Variants in ZBTB7C observed in about 807,000 individuals in gnomAD.
ZBTB7C encodes the protein zinc finger and BTB domain-containing protein 7C.
A neutral mutation model predicts 25.7 loss-of-function variants in ZBTB7C; 8 were observed. The observed-to-expected ratio is 0.31, with a 90% CI of 0.18 to 0.56. The LOEUF (loss-of-function observed/expected upper bound fraction) is 0.56. ZBTB7C is among the 20% of genes least tolerant of loss of function. The pLI is 0.91. For missense variants in ZBTB7C, 824 were observed against 855.2 expected, an observed-to-expected ratio of 0.96 and a Z score of 0.46; for synonymous variants, 394 against 369.0, an observed-to-expected ratio of 1.07 and a Z score of -0.78.
intron 3 of ZBTB7C, among the ~76,000 whole-genome samples, chr18:48,175,602 A>G (rs1264545891): frequency 1.3e-5 from 2 of 152,204 alleles, no homozygotes; most frequent in African/African-American, 2.4e-5. Context: ...AGGTGCAAAT[A>G]TACCCAGCAA....
chr18:48,157,327 G>T (rs1288132011), intron 3 of ZBTB7C, among the ~76,000 whole-genome samples: 1 of 152,140 alleles, frequency 6.6e-6, no homozygotes, highest in Non-Finnish European at 1.5e-5. Context: ...GGGGAAAGGG[G>T]TCCAGAAATC....
At chr18:48,334,114 T>C (rs990221721) in intron 2 of ZBTB7C, among the ~76,000 whole-genome samples, 2 of 152,082 alleles carry the variant, frequency 1.3e-5, no homozygotes, top group South Asian at 2.1e-4. Flanking sequence ...CTTAGATCCA[T>C]GGCATGCTCC....
At chr18:48,221,334 TGCTGTCCTAGTCTCCTCTAC>T (rs1403714580) in intron 2 of ZBTB7C, among the ~76,000 whole-genome samples, 1 of 150,176 alleles carries the variant, frequency 6.7e-6, no homozygotes, top group Middle Eastern at 3.2e-3. Context: ...GTCTCCTCTA[TGCTGTCCTAGTCTCCTCTAC>T]GCTGTCCCTA....
At chr18:48,344,034 G>C (rs940968057) in intron 1 of ZBTB7C, among the ~76,000 whole-genome samples, 2 of 152,090 alleles carry the variant, frequency 1.3e-5, no homozygotes, top group East Asian at 1.9e-4. Context: ...ACCTAGGCTG[G>C]AGTGCAGTGG....
intron 1 of ZBTB7C, among the ~76,000 whole-genome samples, chr18:48,393,029 T>C (rs1374902320): frequency 6.6e-6 from 1 of 152,248 alleles, no homozygotes; most frequent in Non-Finnish European, 1.5e-5. Flanking sequence ...GCTTCAGCAC[T>C]GTCTATTAGT....
At chr18:48,192,917 A>G (rs1376583182) in intron 2 of ZBTB7C, among the ~76,000 whole-genome samples, 1 of 152,186 alleles carries the variant, frequency 6.6e-6, no homozygotes, top group Non-Finnish European at 1.5e-5. Context: ...CTTTCTGCTT[A>G]ATTTCTCTAT....
intron 3 of ZBTB7C, among the ~76,000 whole-genome samples, chr18:48,146,514 T>C (rs2040501816): frequency 6.6e-6 from 1 of 152,156 alleles, no homozygotes; most frequent in Admixed American, 6.5e-5. Context: ...AACACATACC[T>C]ATAAAAAATG....
intron 2 of ZBTB7C, among the ~76,000 whole-genome samples, chr18:48,249,071 T>C (rs913085013): frequency 5.3e-5 from 8 of 152,222 alleles, no homozygotes; most frequent in Non-Finnish European, 1.2e-4. Flanking sequence ...TTAAAGCAAG[T>C]TGAAATACTG....
chr18:48,390,487 C>A (rs1207386158), intron 1 of ZBTB7C, among the ~76,000 whole-genome samples: 1 of 152,134 alleles, frequency 6.6e-6, no homozygotes, highest in Non-Finnish European at 1.5e-5. Flanking sequence ...AAATAAAATG[C>A]AAAGCAAAAG....
chr18:48,251,914 C>T (rs191249451), intron 2 of ZBTB7C, among the ~76,000 whole-genome samples: 141 of 152,242 alleles, frequency 9.3e-4, no homozygotes, highest in African/African-American at 3.2e-3. Context: ...CTTTCTTTTG[C>T]CTATTAAACC....
intron 1 of ZBTB7C, among the ~76,000 whole-genome samples, chr18:48,379,438 C>A (rs1478224496): frequency 6.6e-6 from 1 of 152,124 alleles, no homozygotes; most frequent in East Asian, 1.9e-4. Context: ...CAGGAAGAAC[C>A]AATATCTTAC....
At chr18:48,192,674 C>G (rs894549975) in intron 2 of ZBTB7C, among the ~76,000 whole-genome samples, 2 of 152,214 alleles carry the variant, frequency 1.3e-5, no homozygotes, top group African/African-American at 2.4e-5. Context: ...GTTGGCCAGG[C>G]TGGTCATGAA....
chr18:48,128,668 C>T (rs1312788029), intron 3 of ZBTB7C, among the ~76,000 whole-genome samples: 1 of 151,848 alleles, frequency 6.6e-6, no homozygotes. Flanking sequence ...TACGCAAAGG[C>T]ATACAGAGTG....
In ZBTB7C at chr18:48,278,971, G is replaced by T. The variant is rs186317963; in HGVS notation, c.-79+59203C>A. Among the ~76,000 whole-genome samples the T allele has an allele frequency of 2.2e-4, 33 of 151,336 alleles. No individual in the cohort carries two copies. In the Middle Eastern group the frequency reaches 0.01, roughly 47 times the overall value. The stretch of plus-strand genomic sequence containing the variant: ...TTTTTTTTTTTTAATTCATCAATTG[G>T]AGAATCTTGCTGGAGACAGTGAAAA... On this transcript the variant is annotated intron_variant, in intron 2 of 4. Transcript: ENST00000590800.
chr18:48,070,407 G>A (rs778652463), intron 3 of ZBTB7C, among the ~76,000 whole-genome samples: 1 of 152,172 alleles, frequency 6.6e-6, no homozygotes, highest in African/African-American at 2.4e-5. Context: ...CTGCCATCTG[G>A]AGAAAAGGAT....
chr18:48,328,344 A>G (rs568236014), intron 2 of ZBTB7C, among the ~76,000 whole-genome samples: 193 of 152,298 alleles, frequency 1.3e-3, no homozygotes, highest in Non-Finnish European at 2.1e-3. Context: ...AGATAAAGCA[A>G]TTCCCTAAAT....
chr18:48,404,971 A>T (rs2048245226), intron 1 of ZBTB7C, among the ~76,000 whole-genome samples: 2 of 152,154 alleles, frequency 1.3e-5, no homozygotes, highest in Non-Finnish European at 2.9e-5. Context: ...CTCTCCATCC[A>T]CAGCCTCCTA....
At chr18:48,288,214 T>C (rs939200873) in intron 2 of ZBTB7C, among the ~76,000 whole-genome samples, 1 of 152,232 alleles carries the variant, frequency 6.6e-6, no homozygotes, top group African/African-American at 2.4e-5. Flanking sequence ...AATATTACAG[T>C]GGACTGAATG....
intron 2 of ZBTB7C, among the ~76,000 whole-genome samples, chr18:48,337,242 G>A (rs563984026): frequency 3.6e-4 from 55 of 152,260 alleles, no homozygotes; most frequent in Non-Finnish European, 6.8e-4. Flanking sequence ...CAGGCCACTG[G>A]CCCTTCTCCC....
Sources: gnomAD v4.1 joint callset for allele counts (sites outside exome capture counted in the v4.1 genomes callset) on GRCh38, gnomAD v4.1.1 for gene constraint, MANE v1.5 for transcripts, NCBI Gene and HGNC (gene_info 2026-07-23, HGNC 2026-07-21) for gene names.